The following PCA3 variants were observed in gnomAD, a reference collection of about 807,000 sequenced individuals.
PCA3 encodes the protein Differential Display code 3.
intron 2 of PCA3, among the ~76,000 whole-genome samples, chr9:76,765,037 A>G (rs1386844462): frequency 6.6e-6 from 1 of 152,192 alleles, no homozygotes; most frequent in Non-Finnish European, 1.5e-5. Flanking sequence ...TACCCATTAG[A>G]TATTTAAATG....
intron 2 of PCA3, among the ~76,000 whole-genome samples, chr9:76,767,886 C>T (rs533263103): frequency 6.6e-6 from 1 of 152,300 alleles, no homozygotes; most frequent in South Asian, 2.1e-4. Context: ...TCTCATCTTC[C>T]CTGGCTTCCT....
In PCA3 at chr9:76,775,612, T is replaced by C. The variant is rs1319049726; in HGVS notation, n.853-32971T>C. ...TACTCTGCCCAGCCTATTTTGTCATTTTAAAAATCATTTTCTCAGTCTGTC... is the reference window on the plus strand; with the variant it reads ...TACTCTGCCCAGCCTATTTTGTCATCTTAAAAATCATTTTCTCAGTCTGTC... On this transcript the variant is annotated intron_variant and non_coding_transcript_variant, in intron 2 of 5. Transcript: ENST00000644657. Among the ~76,000 whole-genome samples the C allele has an allele frequency of 2.8e-4, 43 of 152,208 alleles. 1 individual carries two copies. Among genetic ancestry groups the C allele is most frequent in the Admixed American group, 2.8e-3 (43 of 15,278 alleles).
chr9:76,781,269 T>C (rs1044243457), intron 2 of PCA3, among the ~76,000 whole-genome samples: 2 of 152,080 alleles, frequency 1.3e-5, no homozygotes, highest in Non-Finnish European at 2.9e-5. Context: ...CCCTTGAACT[T>C]AAAATAAAGT....
chr9:76,775,995 A>G (rs1416156690), intron 2 of PCA3, among the ~76,000 whole-genome samples: 2 of 152,134 alleles, frequency 1.3e-5, no homozygotes, highest in African/African-American at 4.8e-5. Flanking sequence ...GAGATTTGGG[A>G]GGGATAGGAA....
chr9:76,780,645 C>T (rs761535447), intron 2 of PCA3, among the ~76,000 whole-genome samples: 22 of 152,150 alleles, frequency 1.4e-4, no homozygotes, highest in Admixed American at 1.3e-3. Context: ...GAGCTGAGAT[C>T]GCCCCACTGC....
intron 2 of PCA3, chr9:76,779,065 T>C (rs1448804870): frequency 6.6e-6 from 1 of 152,238 alleles, no homozygotes; most frequent in African/African-American, 2.4e-5. Context: ...CCTTTGAAGA[T>C]ACTATGTTAT....
At chr9:76,784,424 C>T (rs1033100982) in intron 2 of PCA3, 1 of 152,142 alleles carries the variant, frequency 6.6e-6, no homozygotes, top group South Asian at 2.1e-4. Context: ...GAGATAACCA[C>T]GGGGCAGAGG....
At chr9:76,784,988 G>T (rs1381134566) in intron 2 of PCA3, 1 of 151,896 alleles carries the variant, frequency 6.6e-6, no homozygotes, top group African/African-American at 2.4e-5. Flanking sequence ...TTGTTTTCCA[G>T]TGCAAAGATG....
At chr9:76,774,457 T>TATTTATTTATTTATTTTTA (rs756648285) in intron 2 of PCA3, among the ~76,000 whole-genome samples, 1 of 73,556 alleles carries the variant, frequency 1.4e-5, no homozygotes, top group African/African-American at 5.9e-5. Flanking sequence ...ACCCTTTTTT[T>TATTTATTTATTTATTTTTA]TTTTTTTTTT....
At chr9:76,767,982 C>G (rs2052607871) in intron 2 of PCA3, among the ~76,000 whole-genome samples, 1 of 152,142 alleles carries the variant, frequency 6.6e-6, no homozygotes, top group Non-Finnish European at 1.5e-5. Flanking sequence ...CTGATCTTCC[C>G]TGTTCTTTCT....
In PCA3 at chr9:76,781,821, G is replaced by A. The variant is rs115038994; in HGVS notation, n.853-26762G>A. Among the ~76,000 whole-genome samples, 763 of 152,304 alleles carry A rather than the reference G, an allele frequency of 5.0e-3. 4 individuals carry two copies. Among genetic ancestry groups the A allele is most frequent in the African/African-American group, 0.017 (725 of 41,570 alleles). On this transcript the variant is annotated intron_variant and non_coding_transcript_variant, in intron 2 of 5. Coordinates refer to ENST00000644657, the Ensembl canonical transcript of PCA3. ...GTCTTGGTATTTCACCTTTCATCCT[G>A]CTGGACTCTAATTTCCTATAACCAA...
At chr9:76,778,623 T>C (rs2054051167) in intron 2 of PCA3, 2 of 152,228 alleles carry the variant, frequency 1.3e-5, no homozygotes, top group African/African-American at 2.4e-5. Flanking sequence ...TGGATGATCA[T>C]TTCTCATCTC....
At chr9:76,782,045 T>C (rs2054469112) in intron 2 of PCA3, among the ~76,000 whole-genome samples, 2 of 152,092 alleles carry the variant, frequency 1.3e-5, no homozygotes, top group Middle Eastern at 3.2e-3. Flanking sequence ...AAACCCCATC[T>C]CTACTAAAAA....
chr9:76,780,270 C>T (rs1271259467), intron 2 of PCA3, among the ~76,000 whole-genome samples: 5 of 152,070 alleles, frequency 3.3e-5, no homozygotes, highest in Non-Finnish European at 1.5e-5. Flanking sequence ...TGCGCACTCC[C>T]CCAACAATTG....
At chr9:76,780,332 C>T (rs989408683) in intron 2 of PCA3, among the ~76,000 whole-genome samples, 1 of 152,006 alleles carries the variant, frequency 6.6e-6, no homozygotes, top group African/African-American at 2.4e-5. Context: ...AATTAAAATC[C>T]TAAACTTGAA....
At chr9:76,773,595 C>A (rs2130995396) in intron 2 of PCA3, among the ~76,000 whole-genome samples, 1 of 152,228 alleles carries the variant, frequency 6.6e-6, no homozygotes, top group South Asian at 2.1e-4. Flanking sequence ...AGGCACCTGC[C>A]AGCAAGCCAG....
intron 2 of PCA3, among the ~76,000 whole-genome samples, chr9:76,774,451 T>TTTTTTTATTTATTTATTTA (rs1564272358): frequency 1.2e-5 from 1 of 80,966 alleles, no homozygotes; most frequent in Non-Finnish European, 2.7e-5. Flanking sequence ...AGTTCAACCC[T>TTTTTTTATTTATTTATTTA]TTTTTTTTTT....
At chr9:76,772,007 T>C (rs1027369291) in intron 2 of PCA3, among the ~76,000 whole-genome samples, 3 of 152,212 alleles carry the variant, frequency 2.0e-5, no homozygotes, top group African/African-American at 7.2e-5. Context: ...AATTTGCCTA[T>C]ACGAAGTCCG....
intron 2 of PCA3, among the ~76,000 whole-genome samples, chr9:76,766,906 A>T (rs1264145735): frequency 6.6e-6 from 1 of 152,140 alleles, no homozygotes; most frequent in African/African-American, 2.4e-5. Context: ...TACACAACGC[A>T]TACACATGAT....
Sources: allele counts gnomAD v4.1 joint callset (sites outside exome capture counted in the v4.1 genomes callset), GRCh38; gene constraint gnomAD v4.1.1; transcripts MANE v1.5; gene names NCBI Gene and HGNC (gene_info 2026-07-23, HGNC 2026-07-21).